CHRM2: variants seen among roughly 807,000 people sequenced by gnomAD.
The protein encoded by CHRM2 is muscarinic acetylcholine receptor M2.
A neutral mutation model predicts 25.0 loss-of-function variants in CHRM2; 8 were observed. The ratio of observed to expected loss-of-function variants is 0.32; its 90% confidence interval spans 0.19 to 0.58. CHRM2 has a LOEUF of 0.58. CHRM2 is among the 20% of genes least tolerant of loss of function. The pLI, the probability that CHRM2 is intolerant of heterozygous loss-of-function variation, is 0.88. For missense variants in CHRM2, 440 were observed against 567.1 expected (o/e 0.78, Z 2.28); for synonymous variants, 202 against 205.7 (o/e 0.98, Z 0.15).
chr7:137,011,166 G>A (rs761055728), intron 3 of CHRM2, among the ~76,000 whole-genome samples: 1 of 149,126 alleles, frequency 6.7e-6, no homozygotes, highest in Non-Finnish European at 1.5e-5. Context: ...AATCTCCAGA[G>A]AGACAGAACC....
chr7:136,895,250 G>A (rs1039216275), intron 2 of CHRM2, among the ~76,000 whole-genome samples: 1 of 152,156 alleles, frequency 6.6e-6, no homozygotes, highest in Non-Finnish European at 1.5e-5. Context: ...TAACATTTAT[G>A]TGTGTCCTAT....
At chr7:136,877,860 A>G (rs1297797708) in intron 2 of CHRM2, among the ~76,000 whole-genome samples, 1 of 152,034 alleles carries the variant, frequency 6.6e-6, no homozygotes, top group African/African-American at 2.4e-5. Flanking sequence ...ACAAGACAGA[A>G]TCATGTTGGA....
At chr7:136,916,892 T>TC (rs1436897713) in intron 2 of CHRM2, among the ~76,000 whole-genome samples, 2 of 151,676 alleles carry the variant, frequency 1.3e-5, no homozygotes, top group Non-Finnish European at 2.9e-5. Flanking sequence ...GTGTATACTT[T>TC]CTTTAGTTAT....
chr7:136,979,084 C>T (rs1802305875), intron 2 of CHRM2, among the ~76,000 whole-genome samples: 1 of 152,168 alleles, frequency 6.6e-6, no homozygotes, highest in African/African-American at 2.4e-5. Context: ...AAAAGCATTC[C>T]TATTTCTCCA....
At chr7:136,954,168 T>C (rs1800582072) in intron 2 of CHRM2, among the ~76,000 whole-genome samples, 1 of 152,200 alleles carries the variant, frequency 6.6e-6, no homozygotes, top group Non-Finnish European at 1.5e-5. Context: ...TCTTCTCTCC[T>C]CATTCTTTAT....
intron 2 of CHRM2, among the ~76,000 whole-genome samples, chr7:136,990,596 C>T (rs566377690): frequency 1.3e-5 from 2 of 152,178 alleles, no homozygotes; most frequent in East Asian, 3.9e-4. Context: ...TCTGGATGTA[C>T]CACAGTTTAT....
intron 2 of CHRM2, chr7:136,871,545 G>A (rs1795840532): frequency 6.5e-6 from 1 of 152,772 alleles, no homozygotes; most frequent in South Asian, 2.1e-4. Flanking sequence ...GGCAAAGGCC[G>A]CGCATTGCAC....
At chr7:136,962,332 G>C (rs942296050) in intron 2 of CHRM2, among the ~76,000 whole-genome samples, 1 of 151,920 alleles carries the variant, frequency 6.6e-6, no homozygotes, top group Non-Finnish European at 1.5e-5. Flanking sequence ...ACAGGGTTTC[G>C]CCGTGTTGGC....
intron 3 of CHRM2, among the ~76,000 whole-genome samples, chr7:137,000,171 G>C (rs1486467874): frequency 2.3e-5 from 3 of 130,314 alleles, no homozygotes; most frequent in Non-Finnish European, 5.0e-5. Context: ...TGTTCAGCTT[G>C]TCTTTCATAA....
chr7:136,894,246 G>A (rs1013336149), intron 2 of CHRM2, among the ~76,000 whole-genome samples: 1 of 152,070 alleles, frequency 6.6e-6, no homozygotes, highest in Non-Finnish European at 1.5e-5. Context: ...CTATCATAAT[G>A]GATATATAAA....
chr7:136,960,702 T>G (rs1801017779), intron 2 of CHRM2, among the ~76,000 whole-genome samples: 1 of 152,202 alleles, frequency 6.6e-6, no homozygotes, highest in African/African-American at 2.4e-5. Flanking sequence ...TATTCACACT[T>G]TTTTTTCTAT....
rs899999050 is a variant in CHRM2 at position 136,978,456 on chromosome 7, C to CT, written c.-124-13723dup. Among the ~76,000 whole-genome samples, 7 of 150,852 alleles carry CT rather than the reference C, an allele frequency of 4.6e-5. No individual in the cohort carries two copies. In the South Asian group the frequency reaches 6.2e-4, roughly 13 times the overall value. On this transcript the variant is annotated intron_variant, in intron 2 of 3. Transcript: ENST00000680005. Reference sequence around the variant, plus strand: ...TTAAACAGGAGATTTATTAGCGCATCTTTTTTTTATTGTACTTTAAGTTTT... The same window carrying CT: ...TTAAACAGGAGATTTATTAGCGCATCTTTTTTTTTATTGTACTTTAAGTTTT...
chr7:136,926,704 A>T (rs1031707393), intron 2 of CHRM2, among the ~76,000 whole-genome samples: 1 of 152,184 alleles, frequency 6.6e-6, no homozygotes, highest in African/African-American at 2.4e-5. Flanking sequence ...AAGAGAATTG[A>T]GACCCAGGAG....
At chr7:136,987,956 A>C (rs1445759936) in intron 2 of CHRM2, among the ~76,000 whole-genome samples, 1 of 152,020 alleles carries the variant, frequency 6.6e-6, no homozygotes, top group Non-Finnish European at 1.5e-5. Context: ...TCCCTTTCTA[A>C]AATGAGAAGG....
At chr7:136,889,471 G>A (rs1796608171) in intron 2 of CHRM2, among the ~76,000 whole-genome samples, 1 of 152,112 alleles carries the variant, frequency 6.6e-6, no homozygotes, top group South Asian at 2.1e-4. Context: ...GTATTTAAGG[G>A]TTTCCCAATC....
At chr7:136,903,335 G>T in intron 2 of CHRM2, 1 of 446,274 alleles carries the variant, frequency 2.2e-6, no homozygotes, top group Non-Finnish European at 4.5e-6. Flanking sequence ...CTTCTATAGT[G>T]TATGTGCAAA....
At chr7:136,933,073 A>T (rs1799207612) in intron 2 of CHRM2, among the ~76,000 whole-genome samples, 1 of 151,990 alleles carries the variant, frequency 6.6e-6, no homozygotes, top group Non-Finnish European at 1.5e-5. Context: ...TAATTTTTTT[A>T]AATAGATAAA....
chr7:136,901,053 T>G (rs1183880415), intron 2 of CHRM2, among the ~76,000 whole-genome samples: 1 of 152,114 alleles, frequency 6.6e-6, no homozygotes, highest in Non-Finnish European at 1.5e-5. Flanking sequence ...AAAAAACCTC[T>G]TTTAGAGAAT....
intron 2 of CHRM2, among the ~76,000 whole-genome samples, chr7:136,939,722 G>T (rs886583112): frequency 1.4e-4 from 21 of 152,078 alleles, no homozygotes; most frequent in African/African-American, 4.8e-4. Flanking sequence ...ATAAATTAAG[G>T]AAAAGTCACA....
Sources: gnomAD v4.1 joint callset for allele counts (sites outside exome capture counted in the v4.1 genomes callset) on GRCh38, gnomAD v4.1.1 for gene constraint, MANE v1.5 for transcripts, NCBI Gene and HGNC (gene_info 2026-07-23, HGNC 2026-07-21) for gene names.